GDA: variants seen among roughly 807,000 people sequenced by gnomAD.
GDA encodes cytoplasmic PSD-95 interactor.
GDA carries 18 observed loss-of-function variants against 59.6 expected under a neutral mutation model. The ratio of observed to expected loss-of-function variants is 0.30; its 90% CI spans 0.21 to 0.45. The LOEUF (loss-of-function observed/expected upper bound fraction) is 0.45. Ranked by LOEUF, GDA falls within the 20% of genes least tolerant of loss-of-function variation. The pLI is 1.00. For synonymous variants in GDA, 201 were observed against 201.1 expected, an observed-to-expected ratio of 1.00 and a Z score of 0.00; for missense variants, 427 against 552.3, an observed-to-expected ratio of 0.77 and a Z score of 2.27.
exon 1 of GDA, chr9:72,114,657 A>AT (rs1463108181): frequency 3.3e-5 from 5 of 151,492 alleles, no homozygotes; most frequent in African/African-American, 7.3e-5. Flanking sequence ...CGCCCGGCTA[A>AT]TTTTTTTTGT....
Position 72,228,067 on chromosome 9 carries a change from A to G in GDA, c.920+27A>G, listed in dbSNP as rs1254336341. 7 of 1,233,572 alleles carry G rather than the reference A, an allele frequency of 5.7e-6. No individual in the cohort carries two copies. The East Asian group carries it at 1.6e-4, about 29-fold the overall frequency. The allele number at this position is 1,233,572 out of a possible 1,614,324, so 76.4% of individuals were successfully genotyped here. On this transcript the variant is annotated intron_variant, in intron 9 of 13. Transcript: ENST00000358399. ...TAAGTAGACAATGATTGTTTGGTAG[A>G]TTACGAATGATTGGGTTGCAGATTA...
At chr9:72,141,702 A>G (rs1393351421) in intron 1 of GDA, among the ~76,000 whole-genome samples, 1 of 152,132 alleles carries the variant, frequency 6.6e-6, no homozygotes, top group Non-Finnish European at 1.5e-5. Context: ...AGCTGAGGTA[A>G]GCGTCTTTTC....
chr9:72,121,384 G>A (rs1432346898), intron 1 of GDA, among the ~76,000 whole-genome samples: 1 of 152,160 alleles, frequency 6.6e-6, no homozygotes, highest in African/African-American at 2.4e-5. Context: ...GATCACCTGA[G>A]GTCAGGAGTT....
chr9:72,192,697 T>C (rs140942357), intron 1 of GDA, among the ~76,000 whole-genome samples: 1,626 of 151,186 alleles, frequency 0.011, 35 homozygotes, highest in African/African-American at 0.038. Flanking sequence ...CTGGCCAACA[T>C]TGTGAAACCC....
At chr9:72,233,726 G>A (rs1303509339) in intron 10 of GDA, among the ~76,000 whole-genome samples, 1 of 152,116 alleles carries the variant, frequency 6.6e-6, no homozygotes, top group African/African-American at 2.4e-5. Flanking sequence ...AGGATTGCTT[G>A]AGCTCAGGTG....
intron 10 of GDA, among the ~76,000 whole-genome samples, chr9:72,238,341 G>T (rs1399301882): frequency 1.3e-5 from 2 of 152,130 alleles, no homozygotes; most frequent in East Asian, 1.9e-4. Flanking sequence ...CCTTAAAGAG[G>T]TCTTCCCTCA....
chr9:72,226,713 C>T (rs1364961815), intron 8 of GDA, among the ~76,000 whole-genome samples: 1 of 152,134 alleles, frequency 6.6e-6, no homozygotes, highest in East Asian at 1.9e-4. Flanking sequence ...AAAAGCTACA[C>T]CATAGTTTTC....
Position 72,228,007 on chromosome 9 carries a change from C to T in GDA, c.887C>T (p.Ala296Val), listed in dbSNP as rs375919938. ...CTGAACGTATTCCATGAACGAGGAG[C>T]ATCCATCGCACACTGTCCCAATTCT... ...EELNVFHERGASIAHCPNSNL... is the reference protein window; with the variant it reads ...EELNVFHERGVSIAHCPNSNL... Residue 296 changes from alanine to valine, a missense_variant, in exon 9 of 14, where the codon GCA (alanine) becomes GTA (valine). Ala to Val is a moderately conservative substitution (Grantham distance 64). Coordinates refer to ENST00000358399, the MANE Select transcript of GDA (RefSeq NM_004293.5). 40 of 1,597,896 alleles carry T rather than the reference C, an allele frequency of 2.5e-5. No individual in the cohort carries two copies. Among genetic ancestry groups the T allele is most frequent in the Non-Finnish European group, 3.3e-5 (38 of 1,165,912 alleles).
intron 13 of GDA, among the ~76,000 whole-genome samples, chr9:72,248,070 C>A (rs1449155579): frequency 6.6e-6 from 1 of 152,060 alleles, no homozygotes; most frequent in African/African-American, 2.4e-5. Context: ...AGAATTCAGA[C>A]CCTAATCATC....
chr9:72,134,060 G>A (rs955702098), intron 1 of GDA, among the ~76,000 whole-genome samples: 8 of 152,124 alleles, frequency 5.3e-5, no homozygotes, highest in African/African-American at 1.4e-4. Flanking sequence ...GACAAACATC[G>A]GGAGGATCAT....
downstream of GDA, among the ~76,000 whole-genome samples, chr9:72,254,275 A>G (rs1015141376): frequency 6.6e-6 from 1 of 152,204 alleles, no homozygotes; most frequent in African/African-American, 2.4e-5. Context: ...TGCATTTATC[A>G]TACTTAAAAA....
intron 1 of GDA, among the ~76,000 whole-genome samples, chr9:72,165,914 A>G (rs1470300273): frequency 6.6e-6 from 1 of 151,644 alleles, no homozygotes; most frequent in Admixed American, 6.6e-5. Flanking sequence ...AAAAAAAACA[A>G]CAAAAAATGC....
In GDA at chr9:72,250,090, C is replaced by A. The variant is rs1424982538; in HGVS notation, c.*1748C>A. On this transcript the variant is annotated 3_prime_UTR_variant, in exon 14 of 14. Transcript: ENST00000358399. ...ATTTCCAATATTTCTAATTCCTGAG[C>A]CACGTCAAAGATGCCTTGCCAAATT... 23 of 983,746 alleles carry A rather than the reference C, an allele frequency of 2.3e-5. No homozygotes were observed. The highest frequency in any genetic ancestry group is 2.5e-5 in the Non-Finnish European group (21 of 828,568). 60.9% of individuals were successfully genotyped at this position (983,746 alleles called of 1,614,324 possible).
At chr9:72,256,319 G>A (rs1196995732), downstream of GDA, among the ~76,000 whole-genome samples, 19 of 152,100 alleles carry the variant, frequency 1.2e-4, no homozygotes, top group Non-Finnish European at 1.9e-4. Context: ...TAAATACCAG[G>A]TATGGGTCAG....
downstream of GDA, among the ~76,000 whole-genome samples, chr9:72,258,492 A>G (rs1840909489): frequency 6.6e-6 from 1 of 152,138 alleles, no homozygotes; most frequent in Admixed American, 6.5e-5. Context: ...ACATGATATA[A>G]AGAGTCTGGG....
At chr9:72,137,242 CTTTTTTTTTTT>C (rs143364725) in intron 1 of GDA, among the ~76,000 whole-genome samples, 7 of 84,504 alleles carry the variant, frequency 8.3e-5, no homozygotes, top group South Asian at 9.9e-4. Context: ...TTCTTTTTTT[CTTTTTTTTTTT>C]TTTTTTTTTT....
At chr9:72,175,494 C>A (rs1830443113) in intron 1 of GDA, among the ~76,000 whole-genome samples, 1 of 152,162 alleles carries the variant, frequency 6.6e-6, no homozygotes, top group African/African-American at 2.4e-5. Flanking sequence ...CTTTGAGAAA[C>A]ACAAATGAGA....
At chr9:72,128,011 C>T (rs1387308339) in intron 1 of GDA, among the ~76,000 whole-genome samples, 3 of 152,090 alleles carry the variant, frequency 2.0e-5, no homozygotes, top group Non-Finnish European at 4.4e-5. Flanking sequence ...ACCTTAATCA[C>T]CTATTTTGCT....
At chr9:72,235,646 G>A (rs1182897210) in intron 10 of GDA, among the ~76,000 whole-genome samples, 2 of 150,902 alleles carry the variant, frequency 1.3e-5, no homozygotes, top group South Asian at 2.1e-4. Context: ...GCAGTGAGCC[G>A]AGATTGCACC....
Sources: gnomAD v4.1 joint callset for allele counts (sites outside exome capture counted in the v4.1 genomes callset) on GRCh38, gnomAD v4.1.1 for gene constraint, MANE v1.5 for transcripts, NCBI Gene and HGNC (gene_info 2026-07-23, HGNC 2026-07-21) for gene names.